Variants in CDH4 observed in about 807,000 individuals in gnomAD.
CDH4 encodes the protein cadherin 4.
Under a neutral mutation model 86.0 loss-of-function variants are expected in CDH4, and 33 were observed. The ratio of observed to expected loss-of-function variants is 0.38; its 90% CI spans 0.29 to 0.51. The LOEUF is 0.51. Among genes scored for constraint, CDH4 ranks in the 20% least tolerant of loss-of-function variants. The pLI is 0.86. For missense variants in CDH4, 1,114 were observed against 1,307.4 expected (o/e 0.85, Z 2.28); for synonymous variants, 555 against 549.4 (o/e 1.01, Z -0.14).
chr20:61,602,834 G>C (rs1416162255), intron 2 of CDH4, among the ~76,000 whole-genome samples: 1 of 152,158 alleles, frequency 6.6e-6, no homozygotes, highest in Non-Finnish European at 1.5e-5. Context: ...GCTGCTTACT[G>C]GGGTACACGC....
intron 4 of CDH4, among the ~76,000 whole-genome samples, chr20:61,813,958 T>G (rs1255786790): frequency 3.9e-5 from 6 of 152,198 alleles, no homozygotes; most frequent in Non-Finnish European, 5.9e-5. Context: ...GCCCAATATG[T>G]AGCAGGAGTC....
chr20:61,546,331 AG>A (rs1397977288), intron 2 of CDH4, among the ~76,000 whole-genome samples: 2 of 146,906 alleles, frequency 1.4e-5, no homozygotes, highest in Admixed American at 1.4e-4. Flanking sequence ...TGTGTGTGTG[AG>A]GTGTGTATAT....
At chr20:61,656,526 G>C (rs1276392838) in intron 2 of CDH4, among the ~76,000 whole-genome samples, 3 of 152,172 alleles carry the variant, frequency 2.0e-5, no homozygotes, top group Non-Finnish European at 4.4e-5. Flanking sequence ...AGTGTGGTCA[G>C]GTGTGTGGCT....
intron 2 of CDH4, among the ~76,000 whole-genome samples, chr20:61,522,780 G>T (rs112943568): frequency 3.9e-5 from 6 of 152,326 alleles, no homozygotes; most frequent in African/African-American, 1.4e-4. Flanking sequence ...GCCCGGTGCC[G>T]GTGTGGCCTT....
In CDH4 at chr20:61,681,143, T is replaced by C. The variant is rs2087508450; in HGVS notation, c.170-62420T>C. Among the ~76,000 whole-genome samples the C allele has an allele frequency of 6.6e-6, 1 of 152,182 alleles. No individual in the cohort carries two copies. Among genetic ancestry groups the C allele is most frequent in the Non-Finnish European group, 1.5e-5 (1 of 68,034 alleles). Reference sequence around the variant, plus strand: ...GTGGGCCCTCCAGAATTCAAGAAAATGTCTCTGCAAGGGTAAAACACCCGC... The same window carrying C: ...GTGGGCCCTCCAGAATTCAAGAAAACGTCTCTGCAAGGGTAAAACACCCGC... On this transcript the variant is annotated intron_variant, in intron 2 of 15. Coordinates refer to ENST00000614565, the MANE Select transcript of CDH4 (RefSeq NM_001794.5). The surrounding 1 kb of genome is among the most constrained non-coding windows in gnomAD (Gnocchi z 4.5).
At chr20:61,484,073 G>A (rs926429275) in intron 2 of CDH4, among the ~76,000 whole-genome samples, 3 of 152,010 alleles carry the variant, frequency 2.0e-5, no homozygotes, top group Non-Finnish European at 4.4e-5. Flanking sequence ...TCTTCCTAAA[G>A]CATAGCCTTC....
intron 2 of CDH4, among the ~76,000 whole-genome samples, chr20:61,539,257 A>G (rs1325924682): frequency 1.3e-5 from 2 of 152,266 alleles, no homozygotes; most frequent in African/African-American, 2.4e-5. Context: ...GCCCCAGCTT[A>G]CTTCTTGCAT....
intron 2 of CDH4, among the ~76,000 whole-genome samples, chr20:61,368,979 C>G (rs1281669625): frequency 6.6e-6 from 1 of 152,040 alleles, no homozygotes; most frequent in Non-Finnish European, 1.5e-5. Flanking sequence ...CCTGAAAATC[C>G]CGAATCTAAT....
intron 4 of CDH4, among the ~76,000 whole-genome samples, chr20:61,808,614 G>A (rs1980264343): frequency 6.6e-6 from 1 of 152,222 alleles, no homozygotes; most frequent in African/African-American, 2.4e-5. Flanking sequence ...ATTTGAAACA[G>A]AAGAGCAGCC....
chr20:61,291,719 C>T (rs988840216), intron 2 of CDH4, among the ~76,000 whole-genome samples: 1 of 152,054 alleles, frequency 6.6e-6, no homozygotes, highest in Non-Finnish European at 1.5e-5. Flanking sequence ...CTTATGGCCT[C>T]GGAGACTCGG....
chr20:61,387,585 C>T (rs564296278), intron 2 of CDH4, among the ~76,000 whole-genome samples: 45 of 152,182 alleles, frequency 3.0e-4, no homozygotes, highest in African/African-American at 9.2e-4. Flanking sequence ...CATAGACACA[C>T]GCACATTTGG....
In CDH4 at chr20:61,416,025, TC is replaced by T. The variant is rs1427965966; in HGVS notation, c.169+161092del. On this transcript the variant is annotated intron_variant, in intron 2 of 15. Coordinates refer to ENST00000614565, the MANE Select transcript of CDH4 (RefSeq NM_001794.5). ...TCTCCTTCCTTTTTTTTTTTTTTTT[TC>T]CCCGAAACAGAGTCTTGCTCTGTCA... is the stretch of plus-strand genomic sequence containing the variant. Among the ~76,000 whole-genome samples, 11 of 107,282 alleles carry T rather than the reference TC, an allele frequency of 1.0e-4. No individual in the cohort carries two copies. In the South Asian group the frequency reaches 2.2e-3, roughly 21 times the overall value. The allele number at this position is 107,282 out of a possible 152,430, so 70.4% of individuals were successfully genotyped here.
rs1351261129 is a variant in CDH4, at chr20:61,296,265, G to GCA, written c.169+41328_169+41329insCA. Among the ~76,000 whole-genome samples, 3 of 8,898 alleles carry GCA rather than the reference G, an allele frequency of 3.4e-4. 1 individual carries two copies. Among genetic ancestry groups the GCA allele is most frequent in the Middle Eastern group, 0.071 (1 of 14 alleles). The allele number at this position is 8,898 out of a possible 152,430, so 5.8% of individuals were successfully genotyped here. On this transcript the variant is annotated intron_variant, in intron 2 of 15. Coordinates refer to ENST00000614565, the MANE Select transcript of CDH4 (RefSeq NM_001794.5). Reference sequence around the variant, plus strand: ...TGTATGTGTGTGTGCATGTGTGCGTGTGTGTGTGTGCGTGGGTGCGTGTGT... The same window carrying GCA: ...TGTATGTGTGTGTGCATGTGTGCGTGCATGTGTGTGTGCGTGGGTGCGTGTGT...
At chr20:61,809,861 CG>C (rs1225937934) in intron 4 of CDH4, among the ~76,000 whole-genome samples, 1 of 152,032 alleles carries the variant, frequency 6.6e-6, no homozygotes, top group African/African-American at 2.4e-5. Context: ...CGGAGCACAG[CG>C]GGGGGTGGGG....
intron 9 of CDH4, among the ~76,000 whole-genome samples, chr20:61,922,376 C>A (rs891748116): frequency 5.3e-5 from 8 of 152,186 alleles, no homozygotes; most frequent in South Asian, 2.1e-4. Context: ...TACAGCATCA[C>A]TGCAGAACCG....
intron 2 of CDH4, among the ~76,000 whole-genome samples, chr20:61,641,305 C>T (rs551311260): frequency 4.1e-4 from 63 of 152,234 alleles, no homozygotes; most frequent in African/African-American, 1.4e-3. Context: ...CCTTTTCATC[C>T]GCTCAGCACA....
intron 2 of CDH4, among the ~76,000 whole-genome samples, chr20:61,565,875 C>T (rs538812725): frequency 6.6e-6 from 1 of 152,294 alleles, no homozygotes; most frequent in South Asian, 2.1e-4. Context: ...CGGGGTTGCT[C>T]AGCTGCCTGG....
At chr20:61,528,468 G>GGGAGGGGAGAGGAGGGGGAGA (rs2085928833) in intron 2 of CDH4, among the ~76,000 whole-genome samples, 2 of 100,546 alleles carry the variant, frequency 2.0e-5, no homozygotes, top group African/African-American at 7.4e-5. Flanking sequence ...GGAGAGGGAG[G>GGGAGGGGAGAGGAGGGGGAGA]GGGAGGGGGA....
At chr20:61,652,367 G>A (rs909967429) in intron 2 of CDH4, among the ~76,000 whole-genome samples, 4 of 152,118 alleles carry the variant, frequency 2.6e-5, no homozygotes, top group African/African-American at 4.8e-5. Flanking sequence ...AGGCTTGGTC[G>A]CTTAGCAGTA....
Sources: allele counts gnomAD v4.1 joint callset (sites outside exome capture counted in the v4.1 genomes callset), GRCh38; gene constraint gnomAD v4.1.1; non-coding constraint Gnocchi (gnomAD v3.1); transcripts MANE v1.5; gene names NCBI Gene and HGNC (gene_info 2026-07-23, HGNC 2026-07-21).